The following SAMD5 variants were observed in gnomAD, a reference collection of about 807,000 sequenced individuals.
SAMD5 encodes the protein sterile alpha motif domain-containing protein 5.
Under a neutral mutation model 11.3 loss-of-function variants are expected in SAMD5, and 13 were observed. The ratio of observed to expected loss-of-function variants is 1.15; its 90% confidence interval spans 0.75 to 1.83. The LOEUF (loss-of-function observed/expected upper bound fraction) is 1.83. Ranked by LOEUF, SAMD5 falls within the 40% of genes most tolerant of loss-of-function variation. The probability of loss-of-function intolerance (pLI) is 0.00; values close to 1 mark genes in which losing one functional copy is unlikely to be tolerated. For synonymous variants in SAMD5, 129 were observed against 111.3 expected (o/e 1.16, Z -1.00); for missense variants, 255 against 239.1 (o/e 1.07, Z -0.44).
chr6:147,713,840 T>G (rs1791431410), intron 1 of SAMD5, among the ~76,000 whole-genome samples: 1 of 152,166 alleles, frequency 6.6e-6, no homozygotes, highest in South Asian at 2.1e-4. Context: ...TCCCTTACTC[T>G]TCCCTTGCCT....
intron 1 of SAMD5, among the ~76,000 whole-genome samples, chr6:147,596,073 A>G (rs943700519): frequency 1.3e-5 from 2 of 152,150 alleles, no homozygotes; most frequent in Non-Finnish European, 2.9e-5. Context: ...AATCCCTTCT[A>G]TGTTTGTCAG....
chr6:147,844,659 A>G, the SAMD5 span, among the ~76,000 whole-genome samples: 1 of 125,248 alleles, frequency 8.0e-6, no homozygotes, highest in African/African-American at 3.7e-5. Flanking sequence ...TATTCAGCCT[A>G]AAACAATTTA....
the SAMD5 span, among the ~76,000 whole-genome samples, chr6:147,754,451 C>G: frequency 6.9e-6 from 1 of 144,208 alleles, no homozygotes; most frequent in African/African-American, 2.6e-5. Flanking sequence ...CTTATGTATT[C>G]TGGTTATTAA....
intron 1 of SAMD5, among the ~76,000 whole-genome samples, chr6:147,545,372 T>C (rs559010678): frequency 6.6e-6 from 1 of 152,326 alleles, no homozygotes; most frequent in African/African-American, 2.4e-5. Context: ...GTTGATTGAG[T>C]TAGAGAGTTC....
At chr6:147,570,125 T>C, downstream of SAMD5, 5 of 592,600 alleles carry the variant, frequency 8.4e-6, no homozygotes, top group Non-Finnish European at 1.1e-5. Context: ...GTATGCATTA[T>C]GGTCAGCATG....
the SAMD5 span, among the ~76,000 whole-genome samples, chr6:147,752,826 C>G: frequency 0.015 from 2,304 of 152,260 alleles, 63 homozygotes; most frequent in African/African-American, 0.053. Context: ...CTTCAGCACT[C>G]TGCACTTAAG....
At chr6:147,714,728 A>ACAAGCTTGTTATAAT (rs1791442915) in intron 1 of SAMD5, among the ~76,000 whole-genome samples, 1 of 152,172 alleles carries the variant, frequency 6.6e-6, no homozygotes, top group Admixed American at 6.5e-5. Flanking sequence ...AATCATCTGG[A>ACAAGCTTGTTATAAT]CAGCTTGTTA....
chr6:147,728,791 G>C (rs1009059479), intron 1 of SAMD5, among the ~76,000 whole-genome samples: 1 of 152,180 alleles, frequency 6.6e-6, no homozygotes, highest in African/African-American at 2.4e-5. Flanking sequence ...TCTGTAAAAG[G>C]ATTGTAGCAA....
chr6:147,743,751 A>C, the SAMD5 span, among the ~76,000 whole-genome samples: 2 of 152,318 alleles, frequency 1.3e-5, no homozygotes, highest in East Asian at 3.9e-4. Flanking sequence ...CCTGCAATTA[A>C]TTCACAATAG....
At chr6:147,650,453 C>T (rs1206550043) in intron 1 of SAMD5, among the ~76,000 whole-genome samples, 1 of 152,172 alleles carries the variant, frequency 6.6e-6, no homozygotes, top group East Asian at 1.9e-4. Context: ...ATGGTTTGAA[C>T]CTTTGGTGGA....
chr6:147,796,846 A>T, the SAMD5 span, among the ~76,000 whole-genome samples: 1 of 150,060 alleles, frequency 6.7e-6, no homozygotes, highest in Non-Finnish European at 1.5e-5. Context: ...ATGGGAGTTC[A>T]CTCATGATTT....
the SAMD5 span, among the ~76,000 whole-genome samples, chr6:147,923,284 A>G: frequency 2.0e-5 from 3 of 152,192 alleles, no homozygotes; most frequent in African/African-American, 7.2e-5. Context: ...TGAATGAATC[A>G]TCTTTAGCAA....
In SAMD5 at chr6:147,711,591, A is replaced by T. The variant is rs1263678991; in HGVS notation, c.163-25726A>T. Reference sequence around the variant, plus strand: ...GATTCATTTAATTGAGGATGTAGAAAATATTGCAGAGAGTAAAGAAAAGGC... The same window carrying T: ...GATTCATTTAATTGAGGATGTAGAATATATTGCAGAGAGTAAAGAAAAGGC... On this transcript the variant is annotated intron_variant, in intron 1 of 1. Transcript: ENST00000566741. This position sits in a 1 kb window ranked among gnomAD's most constrained non-coding sequence, Gnocchi z 4.1. Among the ~76,000 whole-genome samples, 3 of 152,212 alleles carry T rather than the reference A, an allele frequency of 2.0e-5. No homozygotes were observed. Among genetic ancestry groups the T allele is most frequent in the African/African-American group, 7.2e-5 (3 of 41,454 alleles).
At chr6:147,911,539 A>C in the SAMD5 span, among the ~76,000 whole-genome samples, 1 of 152,156 alleles carries the variant, frequency 6.6e-6, no homozygotes, top group Non-Finnish European at 1.5e-5. Context: ...GTGGGGCAAA[A>C]TATGTTAGCA....
intron 1 of SAMD5, among the ~76,000 whole-genome samples, chr6:147,552,075 C>T (rs1220690763): frequency 6.6e-6 from 1 of 151,924 alleles, no homozygotes; most frequent in Non-Finnish European, 1.5e-5. Flanking sequence ...AAATTTGGGT[C>T]CTTTCTATTT....
chr6:147,761,078 C>T, the SAMD5 span, among the ~76,000 whole-genome samples: 1 of 152,130 alleles, frequency 6.6e-6, no homozygotes, highest in Non-Finnish European at 1.5e-5. Flanking sequence ...GCATTTTATT[C>T]TATTTATAAA....
downstream of SAMD5, among the ~76,000 whole-genome samples, chr6:147,741,211 C>A (rs967717247): frequency 2.0e-5 from 3 of 151,892 alleles, no homozygotes; most frequent in African/African-American, 7.3e-5. Flanking sequence ...TTTGAGAAAC[C>A]CAAGAATGAG....
At chr6:147,695,866 A>C (rs1414773588) in intron 1 of SAMD5, among the ~76,000 whole-genome samples, 1 of 152,234 alleles carries the variant, frequency 6.6e-6, no homozygotes, top group Non-Finnish European at 1.5e-5. Flanking sequence ...ATGTATAAGC[A>C]ATCCAAAAGT....
intron 1 of SAMD5, among the ~76,000 whole-genome samples, chr6:147,631,273 G>A (rs1023766546): frequency 2.6e-5 from 4 of 152,166 alleles, no homozygotes; most frequent in Admixed American, 6.5e-5. Context: ...AAGAGAAGGC[G>A]AAAAACAGGT....
Sources: allele counts gnomAD v4.1 joint callset (sites outside exome capture counted in the v4.1 genomes callset), GRCh38; gene constraint gnomAD v4.1.1; non-coding constraint Gnocchi (gnomAD v3.1); transcripts MANE v1.5; gene names NCBI Gene and HGNC (gene_info 2026-07-23, HGNC 2026-07-21).